PRKCE: variants seen among roughly 807,000 people sequenced by gnomAD.
The protein encoded by PRKCE is protein kinase C epsilon type.
A neutral mutation model predicts 85.4 loss-of-function variants in PRKCE; 16 were observed. The ratio of observed to expected loss-of-function variants is 0.19; its 90% CI spans 0.13 to 0.28. The LOEUF is 0.28. PRKCE is among the 10% of genes least tolerant of loss of function. PRKCE has a pLI of 1.00. For synonymous variants in PRKCE, 388 were observed against 371.5 expected, an observed-to-expected ratio of 1.04 and a Z score of -0.51; for missense variants, 573 against 975.2, an observed-to-expected ratio of 0.59 and a Z score of 5.49.
At chr2:46,033,229 G>C (rs983751613) in intron 10 of PRKCE, among the ~76,000 whole-genome samples, 1 of 152,314 alleles carries the variant, frequency 6.6e-6, no homozygotes, top group Middle Eastern at 3.4e-3. Context: ...ATGACAGCAC[G>C]TCAACACATC....
At chr2:46,094,971 C>G (rs1039106577) in intron 11 of PRKCE, among the ~76,000 whole-genome samples, 1 of 152,110 alleles carries the variant, frequency 6.6e-6, no homozygotes, top group Non-Finnish European at 1.5e-5. Flanking sequence ...CTCCATTATT[C>G]TAAAATTATT....
intron 1 of PRKCE, among the ~76,000 whole-genome samples, chr2:45,764,612 G>T (rs915562264): frequency 1.3e-5 from 2 of 152,164 alleles, no homozygotes; most frequent in African/African-American, 4.8e-5. Context: ...GTAGGTGACA[G>T]CAGGTTTCAG....
At chr2:45,699,099 C>T (rs1486198860) in intron 1 of PRKCE, among the ~76,000 whole-genome samples, 1 of 151,784 alleles carries the variant, frequency 6.6e-6, no homozygotes, top group Non-Finnish European at 1.5e-5. Flanking sequence ...TTTGCTGTTC[C>T]CATAATATAT....
Position 45,884,974 on chromosome 2 carries a change from TATATATATATATATA to T in PRKCE, c.412+41912_412+41926del, listed in dbSNP as rs1441843234. Reference sequence around the variant, plus strand: ...TGATCCATATATATATATATATATATATATATATATATATATATATATATATATTTGTTGTTGTTG... The same window carrying T: ...TGATCCATATATATATATATATATATTATATATATATATTTGTTGTTGTTG... On this transcript the variant is annotated intron_variant, in intron 2 of 14. Coordinates refer to ENST00000306156, the MANE Select transcript of PRKCE (RefSeq NM_005400.3). Among the ~76,000 whole-genome samples the T allele has an allele frequency of 2.6e-3, 167 of 63,172 alleles. 6 individuals are homozygous for T. The South Asian group carries it at 0.054, about 21-fold the overall frequency. 41.4% of individuals were successfully genotyped at this position (63,172 alleles called of 152,430 possible).
rs1318215480 is a variant in PRKCE at position 45,978,957 on chromosome 2, A to T, written c.573-19A>T. 6.3e-7 allele frequency: 1 copy of T among 1,597,046 alleles called. No individual in the cohort carries two copies. The highest frequency in any genetic ancestry group is 8.5e-7 in the Non-Finnish European group (1 of 1,178,960). ...GTAAGATTTCACTTTTTTTAAAAAA[A>T]TGTTATTCTTCTTTTCAGGGGTGTC... On this transcript the variant is annotated intron_variant, in intron 3 of 14. Transcript: ENST00000306156.
intron 1 of PRKCE, among the ~76,000 whole-genome samples, chr2:45,771,405 C>T (rs1685316392): frequency 6.6e-6 from 1 of 152,160 alleles, no homozygotes; most frequent in Non-Finnish European, 1.5e-5. Context: ...TTCCTTCTCC[C>T]TGGCGCGGCC....
At chr2:45,922,945 A>T (rs1698360168) in intron 2 of PRKCE, among the ~76,000 whole-genome samples, 1 of 152,206 alleles carries the variant, frequency 6.6e-6, no homozygotes, top group Non-Finnish European at 1.5e-5. Flanking sequence ...ACAAAAGATC[A>T]TGTTTCGATA....
At chr2:46,102,980 A>G (rs1032336779) in intron 11 of PRKCE, among the ~76,000 whole-genome samples, 1 of 152,174 alleles carries the variant, frequency 6.6e-6, no homozygotes, top group African/African-American at 2.4e-5. Flanking sequence ...TAAAGCCCAC[A>G]CTTGAGGAGT....
chr2:46,173,022 T>TA (rs1221898175), intron 14 of PRKCE, among the ~76,000 whole-genome samples: 1 of 152,218 alleles, frequency 6.6e-6, no homozygotes, highest in Admixed American at 6.5e-5. Context: ...ACAAACACAG[T>TA]ACACTGTTCT....
chr2:45,998,987 C>G (rs949969179), intron 6 of PRKCE, among the ~76,000 whole-genome samples: 7 of 152,118 alleles, frequency 4.6e-5, no homozygotes, highest in African/African-American at 1.7e-4. Context: ...TCCCTGCCAT[C>G]CTTGTCTCAT....
At chr2:45,661,530 G>GTTTTTTTTTTTTTTTT (rs11406618) in intron 1 of PRKCE, among the ~76,000 whole-genome samples, 3 of 104,858 alleles carry the variant, frequency 2.9e-5, no homozygotes, top group South Asian at 3.7e-4. Context: ...TTTGTTTTTT[G>GTTTTTTTTTTTTTTTT]TTTTTTTTTT....
chr2:45,917,329 T>C (rs1211589611), intron 2 of PRKCE, among the ~76,000 whole-genome samples: 1 of 152,192 alleles, frequency 6.6e-6, no homozygotes, highest in African/African-American at 2.4e-5. Flanking sequence ...AGGGTGCTGA[T>C]TGGTGTGTTT....
At chr2:45,972,799 TA>T (rs1211318633) in intron 2 of PRKCE, among the ~76,000 whole-genome samples, 1 of 152,238 alleles carries the variant, frequency 6.6e-6, no homozygotes, top group Non-Finnish European at 1.5e-5. Context: ...TAATGTTTGT[TA>T]AAATGCCCAT....
chr2:45,918,937 TCA>T (rs1698041038), intron 2 of PRKCE, among the ~76,000 whole-genome samples: 1 of 152,368 alleles, frequency 6.6e-6, no homozygotes, highest in Admixed American at 6.5e-5. Context: ...CCCTTTGCTG[TCA>T]CACACCCCTC....
intron 14 of PRKCE, among the ~76,000 whole-genome samples, chr2:46,180,105 A>G (rs1335136600): frequency 6.6e-6 from 1 of 152,214 alleles, no homozygotes; most frequent in African/African-American, 2.4e-5. Context: ...AGGCCTCCTC[A>G]GTGTGGTGAG....
rs180834774 is a variant in PRKCE at position 46,103,812 on chromosome 2, A to G, written c.1592+17450A>G. Among the ~76,000 whole-genome samples, 9 of 152,326 alleles carry G rather than the reference A, an allele frequency of 5.9e-5. No homozygotes were observed. In the East Asian group the frequency reaches 1.2e-3, roughly 20 times the overall value. ...ATTCATTAAGTGGAAGTGGATCATC[A>G]TAAAGGTTTTCATTCTTATCTCCAC... On this transcript the variant is annotated intron_variant, in intron 11 of 14. Transcript: ENST00000306156.
At chr2:46,006,761 G>A (rs980408451) in intron 8 of PRKCE, among the ~76,000 whole-genome samples, 3 of 152,328 alleles carry the variant, frequency 2.0e-5, no homozygotes, top group Non-Finnish European at 2.9e-5. Context: ...GCTCTAGAGC[G>A]GGGCACAAGA....
intron 2 of PRKCE, among the ~76,000 whole-genome samples, chr2:45,876,249 G>A (rs1312540615): frequency 6.6e-6 from 1 of 152,068 alleles, no homozygotes; most frequent in Non-Finnish European, 1.5e-5. Flanking sequence ...AAATCCTTCA[G>A]CATTTCCCCA....
At chr2:45,980,739 G>A (rs1010848339) in intron 5 of PRKCE, among the ~76,000 whole-genome samples, 4 of 106,354 alleles carry the variant, frequency 3.8e-5, no homozygotes, top group Non-Finnish European at 5.5e-5. Context: ...AGAAACACAA[G>A]CAGGAACCTT....
Sources: allele counts gnomAD v4.1 joint callset (sites outside exome capture counted in the v4.1 genomes callset), GRCh38; gene constraint gnomAD v4.1.1; transcripts MANE v1.5; gene names NCBI Gene and HGNC (gene_info 2026-07-23, HGNC 2026-07-21).